Variants in HMCN2 observed in about 807,000 individuals in gnomAD.
The protein encoded by HMCN2 is hemicentin 2, also known as hemicentin-2.
In HMCN2, 325 loss-of-function variants were observed where a neutral mutation model predicts 377.5. That is an observed-to-expected ratio of 0.86 (90% CI 0.79 to 0.94). The LOEUF (loss-of-function observed/expected upper bound fraction) is 0.94, where lower values mean the gene tolerates loss of function less well. Among genes scored for constraint, HMCN2 ranks in the 40% least tolerant of loss-of-function variants. The probability of loss-of-function intolerance (pLI) is 0.00; values close to 1 mark genes in which losing one functional copy is unlikely to be tolerated. For synonymous variants in HMCN2, 2,007 were observed against 2,046.8 expected, an observed-to-expected ratio of 0.98 and a Z score of 0.53; for missense variants, 4,543 against 4,725.3, an observed-to-expected ratio of 0.96 and a Z score of 1.13.
intron 92 of HMCN2, 72 bp downstream of exon 92, chr9:130,427,691 AG>A (rs1434732141): frequency 6.7e-7 from 1 of 1,483,846 alleles, no homozygotes; most frequent in Non-Finnish European, 9.0e-7. Flanking sequence ...AAGGGTCCCC[AG>A]GGCCAGGACC....
intron 90 of HMCN2, among the ~76,000 whole-genome samples, chr9:130,426,263 C>T (rs1057063075): frequency 3.9e-5 from 6 of 152,230 alleles, no homozygotes; most frequent in East Asian, 1.9e-4. Flanking sequence ...TGCACTGAGG[C>T]CACACCCAAG....
At chr9:130,375,101 A>G (rs574720043) in intron 49 of HMCN2, among the ~76,000 whole-genome samples, 3 of 152,218 alleles carry the variant, frequency 2.0e-5, no homozygotes, top group Non-Finnish European at 4.4e-5. Context: ...AGGGGCACAG[A>G]CCAGCTTAGA....
rs992189568 is a variant in HMCN2 at position 130,423,386 on chromosome 9, A to G, written c.13381+660A>G. ...AGCTCCTCTGAAGCTGCCCTTGGCC[A>G]TGGTCCCGCATGAGCAGTGTGGGGT... On this transcript the variant is annotated intron_variant, in intron 87 of 97. Transcript: ENST00000683500. This position sits in a 1 kb window ranked among gnomAD's most constrained non-coding sequence, Gnocchi z 5.5. Among the ~76,000 whole-genome samples, 3 of 152,128 alleles carry G rather than the reference A, an allele frequency of 2.0e-5. No homozygotes were observed. Among genetic ancestry groups the G allele is most frequent in the Non-Finnish European group, 4.4e-5 (3 of 68,008 alleles).
At chr9:130,300,371 C>A (rs1351400172) in intron 8 of HMCN2, among the ~76,000 whole-genome samples, 2 of 152,242 alleles carry the variant, frequency 1.3e-5, no homozygotes, top group African/African-American at 4.8e-5. Context: ...GTGGGCAGGG[C>A]AGACATGGAC....
At chr9:130,275,277 G>C (rs113001520) in intron 1 of HMCN2, among the ~76,000 whole-genome samples, 7 of 152,288 alleles carry the variant, frequency 4.6e-5, no homozygotes, top group African/African-American at 1.7e-4. Context: ...TCTTTCCCAA[G>C]GGAGGAAGTG....
Position 130,304,845 on chromosome 9 carries a change from C to T in HMCN2, c.1659C>T (p.Asp553=), listed in dbSNP as rs1554936032. 2.1e-6 allele frequency: 1 copy of T among 471,120 alleles called. No individual in the cohort carries two copies. Among genetic ancestry groups the T allele is most frequent in the Admixed American group, 2.3e-5 (1 of 42,594 alleles). 29.2% of individuals were successfully genotyped at this position (471,120 alleles called of 1,614,324 possible). A position where few individuals can be genotyped will look rare whatever the true frequency, so the allele number is the denominator to read the frequency against. ...CCTACAACCTGACGTGGGTCCGGGA[C>T]TGGCGAGTCCTGCCGGCCTCGACGG... ...EAPYNLTWVR[D]WRVLPASTGR... The change falls in exon 11 of 98, where the codon GAC becomes GAT. Residue 553 remains aspartate (D), a synonymous_variant. Coordinates refer to ENST00000683500, the MANE Select transcript of HMCN2 (RefSeq NM_001291815.2). This position sits in a 1 kb window ranked among gnomAD's most constrained non-coding sequence, Gnocchi z 4.3.
intron 1 of HMCN2, among the ~76,000 whole-genome samples, chr9:130,276,999 T>C (rs1376314494): frequency 2.6e-5 from 4 of 152,204 alleles, no homozygotes; most frequent in African/African-American, 9.6e-5. Context: ...GCCTGAGATA[T>C]TTCTGAGACT....
Position 130,430,391 on chromosome 9 carries a change from G to A in HMCN2, c.14434G>A (p.Gly4812Ser), listed in dbSNP as rs542107905. The change falls in exon 95 of 98, where the codon GGC (glycine) becomes AGC (serine). Residue 4812 changes from glycine (G) to serine (S), a missense_variant. By Grantham distance (56) the Gly-to-Ser change is moderately conservative (BLOSUM62 0). This residue lies in a region of HMCN2 where 1,155 missense variants were observed against 1,157.7 expected (regional missense o/e 1.00). Coordinates refer to ENST00000683500, the MANE Select transcript of HMCN2 (RefSeq NM_001291815.2). ...CCCAGGCCAGACCCTCCTTCGCGAC[G>A]GCAAGGCCTGCACCTCACTGGAGCG... is the stretch of plus-strand genomic sequence containing the variant. ...CPPGQTLLRD[G>S]KACTSLERNG... 178 of 1,550,294 alleles carry A rather than the reference G, an allele frequency of 1.1e-4. 1 individual carries two copies. Among genetic ancestry groups the A allele is most frequent in the South Asian group, 9.4e-4 (79 of 84,062 alleles).
rs12336255 is a variant in HMCN2 at position 130,265,876 on chromosome 9, G to C, written c.-3G>C. 1 of 351,088 alleles carries C rather than the reference G, an allele frequency of 2.8e-6. No individual in the cohort carries two copies. The highest frequency in any genetic ancestry group is 2.1e-5 in the South Asian group (1 of 47,344). The allele number at this position is 351,088 out of a possible 1,614,324, so 21.7% of individuals were successfully genotyped here. On this transcript the variant is annotated 5_prime_UTR_variant, in exon 1 of 98. Transcript: ENST00000683500. Reference sequence around the variant, plus strand: ...AGCACCCGCAGCCAGAGCCGCGCTCGGCATGATGCCCGGGGCGCCGCTCCT... The same window carrying C: ...AGCACCCGCAGCCAGAGCCGCGCTCCGCATGATGCCCGGGGCGCCGCTCCT...
intron 23 of HMCN2, among the ~76,000 whole-genome samples, chr9:130,340,630 G>A (rs898502214): frequency 6.6e-5 from 10 of 151,214 alleles, no homozygotes; most frequent in African/African-American, 2.2e-4. Flanking sequence ...AGCAATTCTC[G>A]TGCTTCAGCC....
chr9:130,322,328 A>G (rs1228908599), intron 19 of HMCN2, among the ~76,000 whole-genome samples: 1 of 112,070 alleles, frequency 8.9e-6, no homozygotes, highest in Admixed American at 8.8e-5. Context: ...TAATCTATCT[A>G]TCTATCTATC....
intron 1 of HMCN2, among the ~76,000 whole-genome samples, chr9:130,267,888 T>TC (rs545574617): frequency 1.2e-3 from 182 of 152,340 alleles, no homozygotes; most frequent in African/African-American, 4.3e-3. Context: ...CAGGTCACCC[T>TC]CCGTCTCCCC....
intron 1 of HMCN2, among the ~76,000 whole-genome samples, chr9:130,272,540 C>T (rs945739721): frequency 4.6e-5 from 7 of 151,838 alleles, no homozygotes; most frequent in African/African-American, 1.7e-4. Flanking sequence ...CATGCCTGGC[C>T]TCTTCTTCTT....
intron 30 of HMCN2, among the ~76,000 whole-genome samples, chr9:130,352,502 A>C (rs183629034): frequency 1.0e-3 from 154 of 152,318 alleles, no homozygotes; most frequent in Non-Finnish European, 1.7e-3. Flanking sequence ...TCTGAGATGC[A>C]GTTATTTCAT....
In HMCN2 at chr9:130,272,302, G is replaced by A. The variant is rs749871388; in HGVS notation, c.259+6165G>A. Among the ~76,000 whole-genome samples the A allele has an allele frequency of 4.7e-5, 7 of 147,786 alleles. 2 individuals are homozygous for A. Among genetic ancestry groups the A allele is most frequent in the East Asian group, 1.9e-4 (1 of 5,144 alleles). The stretch of plus-strand genomic sequence containing the variant: ...GTCTCCCAGGCTGGAATACAGTGGC[G>A]CAATCTTGGCCCACTGCAACCTCCA... On this transcript the variant is annotated intron_variant, in intron 1 of 97. Coordinates refer to ENST00000683500, the MANE Select transcript of HMCN2 (RefSeq NM_001291815.2).
Position 130,308,097 on chromosome 9 carries a change from T to C in HMCN2, c.2200+531T>C, listed in dbSNP as rs540818494. On this transcript the variant is annotated intron_variant, in intron 14 of 97. Coordinates refer to ENST00000683500, the MANE Select transcript of HMCN2 (RefSeq NM_001291815.2). This position sits in a 1 kb window ranked among gnomAD's most constrained non-coding sequence, Gnocchi z 4.1. ...TCAGCCTCTGGAGTAGCTGGAATTATAGGCGTGTACCACCAGGCCTGGCTC... is the reference window on the plus strand; with the variant it reads ...TCAGCCTCTGGAGTAGCTGGAATTACAGGCGTGTACCACCAGGCCTGGCTC... Among the ~76,000 whole-genome samples, 1 of 152,224 alleles carries C rather than the reference T, an allele frequency of 6.6e-6. No individual in the cohort carries two copies. Among genetic ancestry groups the C allele is most frequent in the African/African-American group, 2.4e-5 (1 of 41,536 alleles).
rs956154503 is a variant in HMCN2 at position 130,418,886 on chromosome 9, C to CAA, written c.13076_13077insAA (p.Gly4360ArgfsTer51). 1.3e-6 allele frequency: 2 copies of CAA among 1,549,662 alleles called. No individual in the cohort carries two copies. Among genetic ancestry groups the CAA allele is most frequent in the Non-Finnish European group, 1.7e-6 (2 of 1,146,514 alleles). On this transcript the variant is annotated frameshift_variant, in exon 86 of 98. Transcript: ENST00000683500. LOFTEE classifies it high-confidence loss of function. The stretch of plus-strand genomic sequence containing the variant: ...ACACCCACCATTGAATGGCTACAGG[C>CAA]GGGTCAACCCTTGCGGGCCAGCCGG...
At position 130,351,571 on chromosome 9, in the gene HMCN2, G is replaced by T; in HGVS notation, c.4579G>T (p.Val1527Phe). Residue 1527 changes from valine to phenylalanine, a missense_variant, in exon 30 of 98, where the codon GTT becomes TTT. By Grantham distance (50) the Val-to-Phe change is conservative. Around this residue, in one of 5 missense-constraint regions of HMCN2, gnomAD observed 1,032 missense variants for 1,285.1 expected, o/e 0.80. Transcript: ENST00000683500. The surrounding 1 kb of genome is among the most constrained non-coding windows in gnomAD (Gnocchi z 5.4). ...GCAGGCCAGGGACTTCCAGCTCCGA[G>T]TTCATGGTGAGCCCCCACGCCTTCT... ...GQQARDFQLR[V>F]HAPPTIWGSN... 1 of 1,302,758 alleles carries T rather than the reference G, an allele frequency of 7.7e-7. No homozygotes were observed. The highest frequency in any genetic ancestry group is 1.0e-6 in the Non-Finnish European group (1 of 987,934). The allele number at this position is 1,302,758 out of a possible 1,614,324, so 80.7% of individuals were successfully genotyped here.
intron 79 of HMCN2, 147 bp from the exon 80 acceptor site, chr9:130,403,594 C>G: frequency 1.1e-6 from 1 of 935,372 alleles, no homozygotes; most frequent in Non-Finnish European, 1.4e-6. Flanking sequence ...GGCTCAGGGT[C>G]AGGCTTCTTG....
Sources: allele counts gnomAD v4.1 joint callset (sites outside exome capture counted in the v4.1 genomes callset), GRCh38; gene constraint gnomAD v4.1.1; regional missense constraint gnomAD v4.1.1; non-coding constraint Gnocchi (gnomAD v3.1); transcripts MANE v1.5; gene names NCBI Gene and HGNC (gene_info 2026-07-23, HGNC 2026-07-21).